Variants in PROX1 observed in about 807,000 individuals in gnomAD.
PROX1 encodes prospero homeobox 1, also known as prospero homeobox protein 1.
Under a neutral mutation model 58.8 loss-of-function variants are expected in PROX1, and 7 were observed. That is an observed-to-expected ratio of 0.12 (90% CI 0.07 to 0.22). The LOEUF is 0.22. Ranked by LOEUF, PROX1 falls within the 10% of genes least tolerant of loss-of-function variation. The pLI is 1.00. For missense variants in PROX1, 675 were observed against 927.8 expected, an observed-to-expected ratio of 0.73 and a Z score of 3.54; for synonymous variants, 350 against 358.3, an observed-to-expected ratio of 0.98 and a Z score of 0.26.
chr1:213,998,800 A>G (rs1220848509), intron 2 of PROX1, among the ~76,000 whole-genome samples: 2 of 152,032 alleles, frequency 1.3e-5, no homozygotes, highest in East Asian at 1.9e-4. Context: ...AGAGCGCTTT[A>G]CAAGTGGGAG....
intron 4 of PROX1, among the ~76,000 whole-genome samples, chr1:214,012,876 C>T (rs1663961595): frequency 6.6e-6 from 1 of 152,152 alleles, no homozygotes; most frequent in Admixed American, 6.5e-5. Context: ...ACACCTTGGC[C>T]TCGCTCTGTC....
chr1:213,986,366 C>G (rs551566385), upstream of PROX1: 5 of 152,184 alleles, frequency 3.3e-5, no homozygotes, highest in Non-Finnish European at 7.3e-5. Context: ...CTCCTTTTCA[C>G]TGTTTGAAAT....
Position 214,040,850 on chromosome 1 carries a change from T to TA in PROX1, c.*5017dup, listed in dbSNP as rs1192964615. On this transcript the variant is annotated 3_prime_UTR_variant, in exon 5 of 5. Coordinates refer to ENST00000366958, the MANE Select transcript of PROX1 (RefSeq NM_001270616.2). ...CTTTGCATAATTTATTGGTTTAATT[T>TA]ATCCTAATTTATTTGATGAAGGTGT... 6.6e-6 allele frequency: 1 copy of TA among 152,194 alleles called. No homozygotes were observed. Among genetic ancestry groups the TA allele is most frequent in the Non-Finnish European group, 1.5e-5 (1 of 68,014 alleles). The allele number at this position is 152,194 out of a possible 1,614,324, so 9.4% of individuals were successfully genotyped here. A position where few individuals can be genotyped will look rare whatever the true frequency, so the allele number is the denominator to read the frequency against.
Position 213,994,777 on chromosome 1 carries a change from ATATATATATATATATATATATATAT to A in PROX1, c.-67-1691_-67-1667del, listed in dbSNP as rs1663186946. Among the ~76,000 whole-genome samples the A allele has an allele frequency of 1.0e-4, 5 of 49,118 alleles. 1 individual carries two copies. Among genetic ancestry groups the A allele is most frequent in the Admixed American group, 2.7e-4 (1 of 3,756 alleles). The allele number at this position is 49,118 out of a possible 152,430, so 32.2% of individuals were successfully genotyped here. On this transcript the variant is annotated intron_variant, in intron 1 of 4. Coordinates refer to ENST00000366958, the MANE Select transcript of PROX1 (RefSeq NM_001270616.2). ...TATATATATATATATATATATATAT[ATATATATATATATATATATATATAT>A]AAAGAGGTATCATTTTGCTTTCATG...
chr1:214,015,433 AT>A (rs1043865448), intron 4 of PROX1, among the ~76,000 whole-genome samples: 25 of 152,110 alleles, frequency 1.6e-4, no homozygotes, highest in African/African-American at 5.8e-4. Flanking sequence ...AAAAAATTTT[AT>A]GGGCAGAAAG....
Position 213,996,975 on chromosome 1 carries a change from C to T in PROX1, c.440C>T (p.Pro147Leu). The change falls in exon 2 of 5, where the codon CCT becomes CTT. Residue 147 changes from proline to leucine, a missense_variant. Pro to Leu is a moderately conservative substitution (Grantham distance 98, BLOSUM62 -3). Transcript: ENST00000366958. ...PPECLSPFGR[P>L]TMSQFDMDRL... ...GAGTGTCTTTCCCCTTTTGGCAGGCCTACTATGAGCCAGTTTGATATGGAT... is the reference window on the plus strand; with the variant it reads ...GAGTGTCTTTCCCCTTTTGGCAGGCTTACTATGAGCCAGTTTGATATGGAT... 1 of 1,614,036 alleles carries T rather than the reference C, an allele frequency of 6.2e-7. No individual in the cohort carries two copies. The highest frequency in any genetic ancestry group is 8.5e-7 in the Non-Finnish European group (1 of 1,180,034).
intron 4 of PROX1, among the ~76,000 whole-genome samples, chr1:214,021,140 G>T (rs1417243544): frequency 2.0e-5 from 3 of 152,184 alleles, no homozygotes; most frequent in Non-Finnish European, 2.9e-5. Flanking sequence ...TTTTCAAAAG[G>T]CTCGAGATAT....
intron 4 of PROX1, among the ~76,000 whole-genome samples, chr1:214,021,322 C>T (rs1664271421): frequency 6.6e-6 from 1 of 152,188 alleles, no homozygotes; most frequent in African/African-American, 2.4e-5. Flanking sequence ...TTTTACGGCT[C>T]TAAACGTGAT....
At chr1:214,016,723 G>C (rs947784343) in intron 4 of PROX1, among the ~76,000 whole-genome samples, 4 of 152,190 alleles carry the variant, frequency 2.6e-5, no homozygotes, top group Non-Finnish European at 5.9e-5. Flanking sequence ...GCGCAGTAAA[G>C]ACACCAGGTT....
chr1:214,022,217 G>A (rs978065213), intron 4 of PROX1, among the ~76,000 whole-genome samples: 1 of 152,206 alleles, frequency 6.6e-6, no homozygotes, highest in African/African-American at 2.4e-5. Context: ...ACCCTGGCAA[G>A]TGTCTTACCC....
intron 4 of PROX1, chr1:214,029,620 C>T (rs1664576519): frequency 6.6e-6 from 1 of 152,202 alleles, no homozygotes; most frequent in African/African-American, 2.4e-5. Flanking sequence ...AGAGCTGCTT[C>T]AGCATTAGAT....
At chr1:214,017,896 T>C (rs1395379773) in intron 4 of PROX1, among the ~76,000 whole-genome samples, 1 of 152,160 alleles carries the variant, frequency 6.6e-6, no homozygotes, top group Non-Finnish European at 1.5e-5. Context: ...TTGTCTGATA[T>C]TCAGTTCTCC....
chr1:214,034,966 G>A (rs2102786584), intron 4 of PROX1, among the ~76,000 whole-genome samples: 1 of 152,232 alleles, frequency 6.6e-6, no homozygotes, highest in Admixed American at 6.5e-5. Flanking sequence ...ATTATTATCA[G>A]CTGAATAAAT....
intron 3 of PROX1, among the ~76,000 whole-genome samples, chr1:214,008,738 T>C (rs1172352783): frequency 1.3e-5 from 2 of 152,218 alleles, no homozygotes; most frequent in Non-Finnish European, 2.9e-5. Context: ...GCGAGAGTTC[T>C]TCTTCTACAG....
upstream of PROX1, chr1:213,987,921 T>G (rs1662867684): frequency 6.6e-6 from 1 of 151,668 alleles, no homozygotes; most frequent in Non-Finnish European, 1.5e-5. Flanking sequence ...GCAGTCTTCC[T>G]GTTTCCTTCA....
chr1:214,031,903 C>T (rs1664670503), intron 4 of PROX1, among the ~76,000 whole-genome samples: 1 of 152,174 alleles, frequency 6.6e-6, no homozygotes, highest in Non-Finnish European at 1.5e-5. Flanking sequence ...CAAAAGTGTA[C>T]CTCTGGGAGC....
At position 213,992,838 on chromosome 1, in the gene PROX1, G is replaced by A. The variant is rs148751068; in HGVS notation, c.-67-3631G>A. Among the ~76,000 whole-genome samples the A allele has an allele frequency of 2.6e-3, 402 of 152,264 alleles. 2 individuals are homozygous for A. Among genetic ancestry groups the A allele is most frequent in the Middle Eastern group, 0.01 (3 of 294 alleles). On this transcript the variant is annotated intron_variant, in intron 1 of 4. Coordinates refer to ENST00000366958, the MANE Select transcript of PROX1 (RefSeq NM_001270616.2). ...TCCCCGAAATAACTTCTTTATTAAA[G>A]TAGAGCACTTAACCACTTTATACTT... is the stretch of plus-strand genomic sequence containing the variant.
chr1:213,997,801 C>T lies in PROX1; in HGVS notation c.1266C>T (p.Asp422=). 1.2e-6 allele frequency: 2 copies of T among 1,614,248 alleles called. No homozygotes were observed. Among genetic ancestry groups the T allele is most frequent in the Non-Finnish European group, 1.7e-6 (2 of 1,180,044 alleles). ...FGDVIIPNPL[D]TFGNVQMASS... ...ACGTCATCATTCCGAACCCCCTGGA[C>T]ACCTTTGGCAATGTGCAGATGGCCA... The change falls in exon 2 of 5, where the codon GAC becomes GAT. Residue 422 remains aspartate, a synonymous_variant. Transcript: ENST00000366958. This position sits in a 1 kb window ranked among gnomAD's most constrained non-coding sequence, Gnocchi z 7.1.
chr1:214,009,733 A>G (rs1031494022), intron 3 of PROX1, among the ~76,000 whole-genome samples: 6 of 152,170 alleles, frequency 3.9e-5, no homozygotes, highest in African/African-American at 1.4e-4. Context: ...CATTCTAGAA[A>G]AAAAATACCC....
Sources: gnomAD v4.1 joint callset for allele counts (sites outside exome capture counted in the v4.1 genomes callset) on GRCh38, gnomAD v4.1.1 for gene constraint, Gnocchi (gnomAD v3.1) non-coding constraint, MANE v1.5 for transcripts, NCBI Gene and HGNC (gene_info 2026-07-23, HGNC 2026-07-21) for gene names.